KLHL13: variants seen among roughly 807,000 people sequenced by gnomAD.
KLHL13 encodes the protein kelch-like protein 13.
A neutral mutation model predicts 37.1 loss-of-function variants in KLHL13; 10 were observed. The ratio of observed to expected loss-of-function variants is 0.27; its 90% CI spans 0.17 to 0.46. The LOEUF is 0.46. Ranked by LOEUF, KLHL13 falls within the 20% of genes least tolerant of loss-of-function variation. The pLI, the probability that KLHL13 is intolerant of heterozygous loss-of-function variation, is 1.00. For synonymous variants in KLHL13, 163 were observed against 181.2 expected (o/e 0.90, Z 0.81); for missense variants, 360 against 509.3 (o/e 0.71, Z 2.82).
rs1929900908 is a variant in KLHL13, at chrX:117,898,909, T to C, written c.1967A>G (p.Ter656=). 3 of 1,199,772 alleles carry C rather than the reference T, an allele frequency of 2.5e-6. No homozygotes were observed. In the African/African-American group the frequency reaches 5.2e-5, roughly 21 times the overall value. Residue 656 remains the stop codon, a stop_retained_variant, in exon 7 of 7, where the codon TAA becomes TGA. Transcript: ENST00000262820. ...AGCATCTTAGTTGTAGAGATGATCT[T>C]AAGGTGCAGAAAGAGGGGACTCTCT...
intron 1 of KLHL13, among the ~76,000 whole-genome samples, chrX:118,020,426 T>G: frequency 9.0e-6 from 1 of 111,281 alleles, no homozygotes; most frequent in Non-Finnish European, 1.9e-5. Flanking sequence ...GAAATGCAAA[T>G]CAAAACCACA....
chrX:117,955,986 C>T (rs1268054754), intron 1 of KLHL13, among the ~76,000 whole-genome samples: 1 of 111,355 alleles, frequency 9.0e-6, no homozygotes, highest in Non-Finnish European at 1.9e-5. Flanking sequence ...GAACTGGTTC[C>T]TGGTTTTTCA....
At chrX:118,020,772 G>C (rs1373685588) in intron 1 of KLHL13, among the ~76,000 whole-genome samples, 1 of 110,400 alleles carries the variant, frequency 9.1e-6, no homozygotes, top group Admixed American at 9.6e-5. Context: ...ACTGGATTAA[G>C]AAAATGTGGC....
intron 1 of KLHL13, among the ~76,000 whole-genome samples, chrX:118,010,304 G>A (rs977843058): frequency 5.7e-5 from 3 of 53,042 alleles, no homozygotes; most frequent in African/African-American, 2.3e-4. Context: ...TGTTTATTGC[G>A]GCATTATTCA....
At chrX:117,955,681 C>G (rs978139261) in intron 1 of KLHL13, among the ~76,000 whole-genome samples, 13 of 111,675 alleles carry the variant, frequency 1.2e-4, no homozygotes, top group African/African-American at 3.9e-4. Flanking sequence ...ATCACAGATA[C>G]GTGGCTCAAT....
chrX:117,965,545 C>T (rs1190752907), intron 1 of KLHL13, among the ~76,000 whole-genome samples: 3 of 111,552 alleles, frequency 2.7e-5, no homozygotes, highest in East Asian at 5.6e-4. Context: ...TCCTCCCTAA[C>T]TCATTTGATG....
At chrX:117,971,271 GGTTTT>G (rs768516259) in intron 1 of KLHL13, among the ~76,000 whole-genome samples, 18 of 111,087 alleles carry the variant, frequency 1.6e-4, no homozygotes, top group African/African-American at 5.9e-4. Flanking sequence ...ATTTTAGTGA[GGTTTT>G]GTTTTGTTTT....
At chrX:118,116,486 T>C (rs1280299675) in intron 1 of KLHL13, 22 bp downstream of exon 1, 2 of 113,031 alleles carry the variant, frequency 1.8e-5, no homozygotes, top group African/African-American at 6.4e-5. Context: ...GGAGCCCCTG[T>C]GACTTCAGGA....
At chrX:117,982,839 A>C (rs189953369) in intron 1 of KLHL13, among the ~76,000 whole-genome samples, 1 of 111,570 alleles carries the variant, frequency 9.0e-6, no homozygotes, top group Non-Finnish European at 1.9e-5. Context: ...GGCCTGCCTT[A>C]GCATATGAAC....
At chrX:118,001,536 T>C (rs999953247) in intron 1 of KLHL13, among the ~76,000 whole-genome samples, 2 of 111,438 alleles carry the variant, frequency 1.8e-5, no homozygotes, top group African/African-American at 6.5e-5. Flanking sequence ...GGCTAAATCC[T>C]GATTGTCAGA....
At chrX:118,031,805 A>C (rs1207490607) in intron 1 of KLHL13, among the ~76,000 whole-genome samples, 2 of 107,755 alleles carry the variant, frequency 1.9e-5, no homozygotes, top group Non-Finnish European at 3.8e-5. Flanking sequence ...AAGACAGGTG[A>C]TTTCTGCATT....
chrX:117,908,649 T>C (rs747200660), intron 5 of KLHL13, among the ~76,000 whole-genome samples: 1 of 111,652 alleles, frequency 9.0e-6, no homozygotes, highest in Non-Finnish European at 1.9e-5. Flanking sequence ...CAAAGTACAT[T>C]TATGACCAAT....
intron 1 of KLHL13, among the ~76,000 whole-genome samples, chrX:118,048,749 G>C (rs2054585293): frequency 9.0e-6 from 1 of 111,261 alleles, no homozygotes; most frequent in African/African-American, 3.3e-5. Flanking sequence ...GACAAGTATT[G>C]TAATTAAAAA....
At chrX:117,942,787 A>G (rs768854070) in intron 2 of KLHL13, among the ~76,000 whole-genome samples, 1 of 111,263 alleles carries the variant, frequency 9.0e-6, no homozygotes, top group African/African-American at 3.3e-5. Flanking sequence ...CCAATTTGCC[A>G]GTCTGTGTCT....
chrX:118,077,785 C>A (rs1475027338), intron 1 of KLHL13, among the ~76,000 whole-genome samples: 1 of 111,283 alleles, frequency 9.0e-6, no homozygotes, highest in East Asian at 2.8e-4. Context: ...TGGGGTCTGA[C>A]AATCCCTACT....
chrX:118,007,231 G>A (rs927743722), intron 1 of KLHL13, among the ~76,000 whole-genome samples: 2 of 109,143 alleles, frequency 1.8e-5, no homozygotes, highest in Non-Finnish European at 1.9e-5. Flanking sequence ...TGAACATAGC[G>A]AGACCCCATC....
At chrX:117,924,986 C>T (rs760667230) in intron 2 of KLHL13, among the ~76,000 whole-genome samples, 24 of 111,008 alleles carry the variant, frequency 2.2e-4, no homozygotes, top group African/African-American at 7.8e-4. Flanking sequence ...ATCAAAACTT[C>T]AACCTCTATT....
chrX:117,970,610 A>G (rs1412464013), intron 1 of KLHL13, among the ~76,000 whole-genome samples: 1 of 111,615 alleles, frequency 9.0e-6, no homozygotes, highest in Non-Finnish European at 1.9e-5. Flanking sequence ...AAATGTGTTG[A>G]GGAATATAGA....
At chrX:117,985,711 T>C (rs912819126) in intron 1 of KLHL13, among the ~76,000 whole-genome samples, 12 of 110,971 alleles carry the variant, frequency 1.1e-4, no homozygotes, top group Non-Finnish European at 2.1e-4. Context: ...ACCTTATTTT[T>C]TTAAGGGTCA....
Sources: allele counts gnomAD v4.1 joint callset (sites outside exome capture counted in the v4.1 genomes callset), GRCh38; gene constraint gnomAD v4.1.1; transcripts MANE v1.5; gene names NCBI Gene and HGNC (gene_info 2026-07-23, HGNC 2026-07-21).